The following NAALADL2 variants were observed in gnomAD, a reference collection of about 807,000 sequenced individuals.
NAALADL2 encodes the protein inactive N-acetylated-alpha-linked acidic dipeptidase-like protein 2.
In NAALADL2, 76 loss-of-function variants were observed where a neutral mutation model predicts 87.2. The observed-to-expected ratio is 0.87, with a 90% CI of 0.72 to 1.05. The LOEUF is 1.05. NAALADL2 is among the 50% of genes least tolerant of loss of function. NAALADL2 has a pLI of 0.00. For synonymous variants in NAALADL2, 354 were observed against 331.0 expected (o/e 1.07, Z -0.75); for missense variants, 1,089 against 945.8 (o/e 1.15, Z -1.99).
intron 2 of NAALADL2, among the ~76,000 whole-genome samples, chr3:175,158,390 C>T (rs1732633156): frequency 6.6e-6 from 1 of 151,598 alleles, no homozygotes; most frequent in Admixed American, 6.6e-5. Context: ...GAATTGGTAG[C>T]TCAACAAGTA....
chr3:174,618,237 A>G (rs2108658591), intron 2 of NAALADL2, among the ~76,000 whole-genome samples: 1 of 151,878 alleles, frequency 6.6e-6, no homozygotes, highest in Non-Finnish European at 1.5e-5. Context: ...CTATTTTAAA[A>G]TTTGTTCCAT....
At chr3:175,746,026 G>A (rs1402979399) in intron 12 of NAALADL2, among the ~76,000 whole-genome samples, 1 of 152,136 alleles carries the variant, frequency 6.6e-6, no homozygotes, top group East Asian at 1.9e-4. Flanking sequence ...GTGCAAGCCA[G>A]ACTCAGCAGG....
intron 4 of NAALADL2, among the ~76,000 whole-genome samples, chr3:175,268,943 T>A (rs1418150621): frequency 2.1e-5 from 1 of 48,164 alleles, no homozygotes; most frequent in East Asian, 1.3e-3. Flanking sequence ...AACTATTTAA[T>A]TTTTTTTTTT....
At position 175,131,955 on chromosome 3, in the gene NAALADL2, C is replaced by T. The variant is rs1368582494; in HGVS notation, c.545+34664C>T. On this transcript the variant is annotated intron_variant, in intron 2 of 13. Transcript: ENST00000454872. ...CCCAGTAGGGGTGGCCGGGCAGAGG[C>T]GCCCCTCACCTCCCGGACGGGGCAG... 6.9e-5 allele frequency among the ~76,000 whole-genome samples: 8 copies of T among 116,502 alleles called. 1 individual carries two copies. The highest frequency in any genetic ancestry group is 9.0e-5 in the Non-Finnish European group (5 of 55,682). The allele number at this position is 116,502 out of a possible 152,430, so 76.4% of individuals were successfully genotyped here.
intron 9 of NAALADL2, among the ~76,000 whole-genome samples, chr3:175,544,622 T>A (rs1395055171): frequency 1.3e-5 from 2 of 152,226 alleles, no homozygotes; most frequent in Non-Finnish European, 2.9e-5. Flanking sequence ...ATTCTGTACA[T>A]TGGAACTCAA....
In NAALADL2 at chr3:175,083,306, C is replaced by A. The variant is rs146563374; in HGVS notation, c.44-13484C>A. On this transcript the variant is annotated intron_variant, in intron 1 of 13. Coordinates refer to ENST00000454872, the MANE Select transcript of NAALADL2 (RefSeq NM_207015.3). ...TTCAGAGATTGGAGAAATTCAAGCA[C>A]TCATGATGCATATTTATCTCCCAAC... 2.4e-3 allele frequency among the ~76,000 whole-genome samples: 359 copies of A among 152,282 alleles called. 3 individuals are homozygous for A. The highest frequency in any genetic ancestry group is 8.3e-3 in the African/African-American group (345 of 41,570).
chr3:175,118,340 A>T (rs1048580923), intron 2 of NAALADL2, among the ~76,000 whole-genome samples: 2 of 151,812 alleles, frequency 1.3e-5, no homozygotes, highest in Non-Finnish European at 2.9e-5. Context: ...CACAGAACTA[A>T]ACTGAGTTGC....
At chr3:174,837,344 G>T (rs753416691) in intron 3 of NAALADL2, among the ~76,000 whole-genome samples, 1 of 152,138 alleles carries the variant, frequency 6.6e-6, no homozygotes, top group African/African-American at 2.4e-5. Flanking sequence ...ACAAAAGATC[G>T]TTCAAGGCTA....
chr3:174,726,707 G>T (rs1156867769), intron 2 of NAALADL2, among the ~76,000 whole-genome samples: 3 of 151,676 alleles, frequency 2.0e-5, no homozygotes, highest in African/African-American at 7.3e-5. Context: ...ATTCCTTCTT[G>T]CTAACTTTCT....
chr3:175,481,411 C>T (rs550695306), intron 9 of NAALADL2, among the ~76,000 whole-genome samples: 73 of 150,192 alleles, frequency 4.9e-4, no homozygotes, highest in Non-Finnish European at 9.5e-4. Context: ...AATTAGGAAG[C>T]TTGGGGAACA....
intron 10 of NAALADL2, among the ~76,000 whole-genome samples, chr3:175,578,276 A>G (rs1719202648): frequency 1.3e-5 from 2 of 152,076 alleles, no homozygotes; most frequent in Admixed American, 1.3e-4. Flanking sequence ...TACAAAAATC[A>G]GCTGGCCGTG....
intron 2 of NAALADL2, among the ~76,000 whole-genome samples, chr3:175,140,569 A>C (rs78067494): frequency 0.03 from 4,537 of 152,296 alleles, 96 homozygotes; most frequent in Middle Eastern, 0.062. Flanking sequence ...AAGGCAGGTA[A>C]AGAGTGTTCA....
At chr3:175,296,219 G>A (rs1205555306) in intron 4 of NAALADL2, among the ~76,000 whole-genome samples, 1 of 152,048 alleles carries the variant, frequency 6.6e-6, no homozygotes, top group African/African-American at 2.4e-5. Flanking sequence ...TGACTAGGAG[G>A]TGCTACATGT....
intron 3 of NAALADL2, among the ~76,000 whole-genome samples, chr3:174,748,965 T>C (rs1734554084): frequency 6.6e-6 from 1 of 152,214 alleles, no homozygotes; most frequent in African/African-American, 2.4e-5. Flanking sequence ...GGTATACCCA[T>C]AAACTACTTC....
intron 1 of NAALADL2, among the ~76,000 whole-genome samples, chr3:174,488,655 T>G (rs544187353): frequency 3.3e-5 from 5 of 152,034 alleles, no homozygotes; most frequent in Admixed American, 1.3e-4. Flanking sequence ...TTTTTCACAA[T>G]CTCATGGAAT....
intron 2 of NAALADL2, among the ~76,000 whole-genome samples, chr3:175,115,734 A>G (rs1389544268): frequency 2.0e-5 from 3 of 151,628 alleles, no homozygotes; most frequent in African/African-American, 4.8e-5. Context: ...GCTTCTCTCA[A>G]GTCAGATTTA....
intron 1 of NAALADL2, among the ~76,000 whole-genome samples, chr3:175,066,659 T>C (rs1342451113): frequency 1.3e-5 from 2 of 152,158 alleles, no homozygotes; most frequent in African/African-American, 4.8e-5. Flanking sequence ...TGTTAATAAA[T>C]TCTTGTTTAA....
At chr3:175,801,996 T>TCTCTCTTCTTTTA (rs1754210264) in intron 13 of NAALADL2, among the ~76,000 whole-genome samples, 1 of 152,082 alleles carries the variant, frequency 6.6e-6, no homozygotes, top group Non-Finnish European at 1.5e-5. Flanking sequence ...GTGTAATGAA[T>TCTCTCTTCTTTTA]TATATTACCC....
chr3:174,778,069 G>A (rs1364388049), intron 3 of NAALADL2, among the ~76,000 whole-genome samples: 1 of 151,982 alleles, frequency 6.6e-6, no homozygotes, highest in Non-Finnish European at 1.5e-5. Context: ...CTTATTATAT[G>A]CCTACTGGTA....
Sources: gnomAD v4.1 joint callset for allele counts (sites outside exome capture counted in the v4.1 genomes callset) on GRCh38, gnomAD v4.1.1 for gene constraint, MANE v1.5 for transcripts, NCBI Gene and HGNC (gene_info 2026-07-23, HGNC 2026-07-21) for gene names.